Variants in KNL1 observed in about 807,000 individuals in gnomAD.
KNL1 encodes the protein kinetochore scaffold 1.
KNL1 carries 66 observed loss-of-function variants against 201.3 expected under a neutral mutation model. The observed-to-expected ratio is 0.33, with a 90% CI of 0.27 to 0.40. KNL1 has a LOEUF of 0.40. Among genes scored for constraint, KNL1 ranks in the 10% least tolerant of loss-of-function variants. The pLI, the probability that KNL1 is intolerant of heterozygous loss-of-function variation, is 1.00. For missense variants in KNL1, 2,815 were observed against 2,690.5 expected (o/e 1.05, Z -1.02); for synonymous variants, 895 against 899.2 (o/e 1.00, Z 0.08).
intron 22 of KNL1, among the ~76,000 whole-genome samples, chr15:40,655,713 G>C (rs1893707470): frequency 6.6e-6 from 1 of 151,918 alleles, no homozygotes; most frequent in Non-Finnish European, 1.5e-5. Context: ...AGGAGATCGA[G>C]ACTATCCTGG....
At chr15:40,610,695 C>CA (rs1217289672) in intron 6 of KNL1, 4 of 454,442 alleles carry the variant, frequency 8.8e-6, no homozygotes, top group East Asian at 6.8e-5. Context: ...GTCTCAAAAA[C>CA]AAAAAAAGTA....
rs1892680496 is a variant in KNL1, at chr15:40,624,741, C to T, written c.4477C>T (p.Leu1493Phe). 4 of 1,613,618 alleles carry T rather than the reference C, an allele frequency of 2.5e-6. No individual in the cohort carries two copies. In the South Asian group the frequency reaches 4.4e-5, roughly 18 times the overall value. ...CATATGTGAAAACAAGCCCAAAATA[C>T]TCAATAGTGAGGAATGGTTTGCTGC... ...APICENKPKI[L>F]NSEEWFAAAC... The change falls in exon 10 of 26, where the codon CTC becomes TTC. Residue 1493 changes from leucine (L) to phenylalanine (F), a missense_variant. Around this residue, in one of 3 missense-constraint regions of KNL1, gnomAD observed 2,464 missense variants for 2,291.7 expected, o/e 1.08. Transcript: ENST00000399668.
intron 13 of KNL1, among the ~76,000 whole-genome samples, chr15:40,640,127 T>A (rs1254386601): frequency 6.8e-6 from 1 of 147,398 alleles, no homozygotes; most frequent in East Asian, 2.0e-4. Context: ...GACGGAGTCC[T>A]GCTCTGTTGC....
chr15:40,634,974 T>C (rs1345674280), intron 13 of KNL1, among the ~76,000 whole-genome samples: 2 of 151,128 alleles, frequency 1.3e-5, no homozygotes, highest in East Asian at 1.9e-4. Context: ...AATCCCAAAA[T>C]AGGAAAAGGC....
chr15:40,638,993 T>C (rs1893142361), intron 13 of KNL1, among the ~76,000 whole-genome samples: 1 of 147,576 alleles, frequency 6.8e-6, no homozygotes, highest in South Asian at 2.2e-4. Context: ...GTATTTTGTA[T>C]TGTTGGTCAG....
intron 1 of KNL1, among the ~76,000 whole-genome samples, chr15:40,602,423 A>G (rs547555818): frequency 1.3e-3 from 186 of 141,526 alleles, no homozygotes; most frequent in African/African-American, 4.8e-3. Context: ...GGCATGAGCC[A>G]CCGCGCCCGG....
At chr15:40,635,080 G>A (rs1271193303) in intron 13 of KNL1, among the ~76,000 whole-genome samples, 2 of 148,496 alleles carry the variant, frequency 1.3e-5, no homozygotes, top group African/African-American at 5.0e-5. Flanking sequence ...ATGGAGTTTC[G>A]CTTTGTCATC....
chr15:40,636,659 C>A (rs945775930), intron 13 of KNL1, among the ~76,000 whole-genome samples: 2 of 151,974 alleles, frequency 1.3e-5, no homozygotes, highest in South Asian at 4.2e-4. Context: ...TGAAACCCCC[C>A]CTCTACCAAA....
intron 13 of KNL1, among the ~76,000 whole-genome samples, chr15:40,634,653 G>A (rs1893004630): frequency 6.6e-6 from 1 of 152,142 alleles, no homozygotes; most frequent in African/African-American, 2.4e-5. Context: ...GGAGGAGAAA[G>A]GAGCTTAGGT....
At position 40,662,331 on chromosome 15, in the gene KNL1, T is replaced by C. The variant is rs528649899; in HGVS notation, c.*143T>C. ...GATGTTATAGTTAATCTGTATGTTT[T>C]TTATATCTCTGCAGAATGATGGTGA... On this transcript the variant is annotated 3_prime_UTR_variant, in exon 26 of 26. Transcript: ENST00000399668. 74 of 594,478 alleles carry C rather than the reference T, an allele frequency of 1.2e-4. 1 individual carries two copies. The South Asian group carries it at 1.4e-3, about 11-fold the overall frequency. 36.8% of individuals were successfully genotyped at this position (594,478 alleles called of 1,614,324 possible).
intron 25 of KNL1, among the ~76,000 whole-genome samples, 191 bp downstream of exon 25, chr15:40,659,652 C>G (rs28418622): frequency 6.6e-6 from 1 of 151,764 alleles, no homozygotes; most frequent in Admixed American, 6.6e-5. Context: ...GCCACCGCAC[C>G]CGGCTAATTT....
At chr15:40,617,351 T>C (rs1282815970) in intron 8 of KNL1, among the ~76,000 whole-genome samples, 1 of 151,658 alleles carries the variant, frequency 6.6e-6, no homozygotes, top group African/African-American at 2.4e-5. Flanking sequence ...TTAACTTCAG[T>C]GCTATCCAAA....
chr15:40,605,243 C>T (rs1277065378), intron 3 of KNL1, 94 bp downstream of exon 3: 1 of 698,706 alleles, frequency 1.4e-6, no homozygotes. Flanking sequence ...ACCATCCTAC[C>T]CTTACTGGCT....
intron 8 of KNL1, among the ~76,000 whole-genome samples, chr15:40,616,572 C>G (rs1892351960): frequency 6.6e-6 from 1 of 152,176 alleles, no homozygotes; most frequent in South Asian, 2.1e-4. Context: ...GGCCTACTTT[C>G]TGTTTTGTCT....
intron 1 of KNL1, among the ~76,000 whole-genome samples, chr15:40,594,636 C>G (rs899071589): frequency 6.6e-6 from 1 of 152,202 alleles, no homozygotes; most frequent in African/African-American, 2.4e-5. Flanking sequence ...CTCGGCCCCT[C>G]CGGCCACCCG....
At position 40,621,773 on chromosome 15, in the gene KNL1, A is replaced by G. The variant is rs748514171; in HGVS notation, c.1509A>G (p.Gln503=). 12 of 1,613,932 alleles carry G rather than the reference A, an allele frequency of 7.4e-6. No individual in the cohort carries two copies. In the East Asian group the frequency reaches 8.9e-5, roughly 12 times the overall value. The change falls in exon 10 of 26, where the codon CAA becomes CAG. Residue 503 remains glutamine (Q), a synonymous_variant. Coordinates refer to ENST00000399668, the MANE Select transcript of KNL1 (RefSeq NM_144508.5). Reference sequence around the variant, plus strand: ...ATAATCAAATTTTTAAACAAGATCAATCAAATGTGCAAATAGCAGCTGCAC... The same window carrying G: ...ATAATCAAATTTTTAAACAAGATCAGTCAAATGTGCAAATAGCAGCTGCAC... ...AIDNQIFKQD[Q]SNVQIAAAPT...
At position 40,622,548 on chromosome 15, in the gene KNL1, A is replaced by G. The variant is rs1013985737; in HGVS notation, c.2284A>G (p.Met762Val). The G allele has an allele frequency of 1.5e-5, 25 of 1,613,882 alleles. No homozygotes were observed. The highest frequency in any genetic ancestry group is 2.0e-5 in the Non-Finnish European group (24 of 1,179,838). ...TATATGTTCAGAGGAAGAGCAAAAT[A>G]TGGATCTAACAAAGAGCCACACTGT... is the stretch of plus-strand genomic sequence containing the variant. The part of the protein sequence containing the change: ...MIICSEEEQN[M>V]DLTKSHTVVI... The change falls in exon 10 of 26, where the codon ATG (methionine) becomes GTG (valine). Residue 762 changes from methionine (M) to valine (V), a missense_variant. Coordinates refer to ENST00000399668, the MANE Select transcript of KNL1 (RefSeq NM_144508.5).
intron 7 of KNL1, among the ~76,000 whole-genome samples, chr15:40,612,206 C>T (rs1236642930): frequency 6.6e-6 from 1 of 152,118 alleles, no homozygotes; most frequent in Non-Finnish European, 1.5e-5. Context: ...GTCCCAGCTA[C>T]TCAGGAGGTT....
intron 1 of KNL1, among the ~76,000 whole-genome samples, chr15:40,601,992 C>G (rs1035762586): frequency 5.4e-5 from 8 of 147,988 alleles, no homozygotes; most frequent in Admixed American, 4.0e-4. Flanking sequence ...CAGGTGCACG[C>G]CGCCACGCCT....
Sources: allele counts gnomAD v4.1 joint callset (sites outside exome capture counted in the v4.1 genomes callset), GRCh38; gene constraint gnomAD v4.1.1; regional missense constraint gnomAD v4.1.1; transcripts MANE v1.5; gene names NCBI Gene and HGNC (gene_info 2026-07-23, HGNC 2026-07-21).